Variants in ATAD2 observed in about 807,000 individuals in gnomAD.
The protein encoded by ATAD2 is ATPase family AAA domain containing 2.
Under a neutral mutation model 168.9 loss-of-function variants are expected in ATAD2, and 62 were observed. The ratio of observed to expected loss-of-function variants is 0.37; its 90% CI spans 0.30 to 0.45. ATAD2 has a LOEUF of 0.45. Among genes scored for constraint, ATAD2 ranks in the 20% least tolerant of loss-of-function variants. The pLI is 1.00. For missense variants in ATAD2, 1,419 were observed against 1,667.8 expected (o/e 0.85, Z 2.60); for synonymous variants, 613 against 571.6 (o/e 1.07, Z -1.03).
At chr8:123,339,562 T>TATG (rs1367918189) in intron 19 of ATAD2, 116 bp from the exon 20 acceptor site, 1 of 936,060 alleles carries the variant, frequency 1.1e-6, no homozygotes, top group African/African-American at 1.7e-5. Flanking sequence ...ATGTATTCAG[T>TATG]ATGTCCCTCC....
chr8:123,399,239 C>T (rs1315603328), upstream of ATAD2, among the ~76,000 whole-genome samples: 3 of 149,088 alleles, frequency 2.0e-5, no homozygotes, highest in Non-Finnish European at 3.0e-5. Context: ...TCCAACCTGG[C>T]GACACAGCAA....
rs1827433495 is a variant in ATAD2, at chr8:123,320,368, T to TAGACTATAACCTAAACAGTTTTAGAA, written c.*740_*765dup. Reference sequence around the variant, plus strand: ...TAAAATTGTATATAAAAAGTATCAATAGACTATAACCTAAACAGTTTTAGA... The same window carrying TAGACTATAACCTAAACAGTTTTAGAA: ...TAAAATTGTATATAAAAAGTATCAATAGACTATAACCTAAACAGTTTTAGAAAGACTATAACCTAAACAGTTTTAGA... On this transcript the variant is annotated 3_prime_UTR_variant, in exon 28 of 28. Transcript: ENST00000287394. 1.3e-5 allele frequency: 2 copies of TAGACTATAACCTAAACAGTTTTAGAA among 151,872 alleles called. No homozygotes were observed. Among genetic ancestry groups the TAGACTATAACCTAAACAGTTTTAGAA allele is most frequent in the Non-Finnish European group, 2.9e-5 (2 of 67,954 alleles). 9.4% of individuals were successfully genotyped at this position (151,872 alleles called of 1,614,324 possible). A position where few individuals can be genotyped will look rare whatever the true frequency, so the allele number is the denominator to read the frequency against.
In ATAD2 at chr8:123,323,080, T is replaced by C. The variant is rs1827517829; in HGVS notation, c.4003-14A>G. ...CTTCAAAAGATTCTAAAAGAAAATATGAGTGTCAATATGTGTGAGAGAGAA... is the reference window on the plus strand; with the variant it reads ...CTTCAAAAGATTCTAAAAGAAAATACGAGTGTCAATATGTGTGAGAGAGAA... On this transcript the variant is annotated splice_polypyrimidine_tract_variant and intron_variant, in intron 26 of 27. Coordinates refer to ENST00000287394, the MANE Select transcript of ATAD2 (RefSeq NM_014109.4). The C allele has an allele frequency of 1.9e-6, 3 of 1,604,662 alleles. No individual in the cohort carries two copies. The highest frequency in any genetic ancestry group is 2.6e-6 in the Non-Finnish European group (3 of 1,174,558).
chr8:123,392,922 C>A (rs1242763921), intron 1 of ATAD2, among the ~76,000 whole-genome samples: 1 of 152,126 alleles, frequency 6.6e-6, no homozygotes, highest in Non-Finnish European at 1.5e-5. Flanking sequence ...CGGTGGCTCA[C>A]GCCTCTAATC....
intron 1 of ATAD2, among the ~76,000 whole-genome samples, chr8:123,393,700 T>C (rs1422272736): frequency 6.6e-6 from 1 of 152,106 alleles, no homozygotes; most frequent in Admixed American, 6.6e-5. Context: ...GCCGATCACC[T>C]GAGACCGGGA....
At chr8:123,370,120 A>C (rs950866320) in intron 6 of ATAD2, 96 bp from the exon 7 acceptor site, 36 of 1,154,214 alleles carry the variant, frequency 3.1e-5, no homozygotes, top group Non-Finnish European at 3.7e-6. Context: ...CCACCCTTTT[A>C]AAACTTATCT....
intron 3 of ATAD2, 97 bp from the exon 4 acceptor site, chr8:123,371,932 T>C (rs1412085371): frequency 2.5e-6 from 3 of 1,199,236 alleles, no homozygotes; most frequent in East Asian, 2.7e-5. Flanking sequence ...TATACTTTCA[T>C]GTAACAAAAT....
rs16918564 is a variant in ATAD2, at chr8:123,402,052, G to A, written c.-2281-877C>T. 6,886 of 1,506,208 alleles carry A rather than the reference G, an allele frequency of 4.6e-3. 294 individuals carry two copies. The African/African-American group carries it at 0.083, about 18-fold the overall frequency. 93.3% of individuals were successfully genotyped at this position (1,506,208 alleles called of 1,614,324 possible). The stretch of plus-strand genomic sequence containing the variant: ...TCAAGTTTGAGAAGCGTACCATGTC[G>A]GCCCAGATTGAGGGTGGCGTCCATG... On this transcript the variant is annotated intron_variant, in intron 1 of 28. Transcript: ENST00000521903. This position sits in a 1 kb window ranked among gnomAD's most constrained non-coding sequence, Gnocchi z 4.8.
At chr8:123,372,343 C>A (rs988569955) in intron 3 of ATAD2, among the ~76,000 whole-genome samples, 1 of 152,104 alleles carries the variant, frequency 6.6e-6, no homozygotes, top group Non-Finnish European at 1.5e-5. Flanking sequence ...ATGGTCACGG[C>A]TATGTTCCAA....
intron 18 of ATAD2, 90 bp downstream of exon 18, chr8:123,345,996 A>T: frequency 9.4e-7 from 1 of 1,063,550 alleles, no homozygotes; most frequent in South Asian, 2.2e-5. Context: ...AATCAGAAAG[A>T]CAAAAAAACA....
chr8:123,402,896 T>C lies in ATAD2; in HGVS notation c.-2281-1721A>G, dbSNP rs924542889. Among the ~76,000 whole-genome samples the C allele has an allele frequency of 6.6e-6, 1 of 152,152 alleles. No individual in the cohort carries two copies. The highest frequency in any genetic ancestry group is 2.4e-5 in the African/African-American group (1 of 41,434). On this transcript the variant is annotated intron_variant, in intron 1 of 28. Transcript: ENST00000521903. The surrounding 1 kb of genome is among the most constrained non-coding windows in gnomAD (Gnocchi z 4.8). Reference sequence around the variant, plus strand: ...GGTGCCTCCTCTAAAGATCCTGATTTCATGCGTCTGAGATAAGGCCTGGAA... The same window carrying C: ...GGTGCCTCCTCTAAAGATCCTGATTCCATGCGTCTGAGATAAGGCCTGGAA...
rs1828234738 is a variant in ATAD2, at chr8:123,346,152, T to C, written c.2466A>G (p.Val822=). The C allele has an allele frequency of 1.2e-6, 2 of 1,612,648 alleles. No individual in the cohort carries two copies. Among genetic ancestry groups the C allele is most frequent in the East Asian group, 4.5e-5 (2 of 44,764 alleles). The stretch of plus-strand genomic sequence containing the variant: ...AAAGAACAGGAATGTCTAATGTATA[T>C]ACAGTAAACTTTTCCAAAGCATGAA... ...AVIHALEKFT[V]YTLDIPVLFG... Residue 822 remains valine, a synonymous_variant, in exon 18 of 28, where the codon GTA becomes GTG. Coordinates refer to ENST00000287394, the MANE Select transcript of ATAD2 (RefSeq NM_014109.4).
intron 8 of ATAD2, 62 bp downstream of exon 8, chr8:123,368,996 G>C (rs1829058153): frequency 4.1e-6 from 4 of 966,248 alleles, no homozygotes; most frequent in Admixed American, 2.1e-5. Context: ...AAAGTCTAGA[G>C]TCCAGCCCTA....
intron 1 of ATAD2, among the ~76,000 whole-genome samples, chr8:123,392,764 G>A (rs1050046059): frequency 6.6e-6 from 1 of 152,108 alleles, no homozygotes; most frequent in African/African-American, 2.4e-5. Flanking sequence ...TTTGTAAAGG[G>A]GTAGAAAAAG....
chr8:123,369,194 T>C lies in ATAD2; in HGVS notation c.932-19A>G, dbSNP rs1338744029. 4 of 991,014 alleles carry C rather than the reference T, an allele frequency of 4.0e-6. No individual in the cohort carries two copies. Among genetic ancestry groups the C allele is most frequent in the Non-Finnish European group, 5.4e-6 (4 of 739,938 alleles). 61.4% of individuals were successfully genotyped at this position (991,014 alleles called of 1,614,324 possible). A position where few individuals can be genotyped will look rare whatever the true frequency, so the allele number is the denominator to read the frequency against. Reference sequence around the variant, plus strand: ...CGAGGTTCTAAAAAAAAGAAATATATATATATATTTGTATATATATATATA... The same window carrying C: ...CGAGGTTCTAAAAAAAAGAAATATACATATATATTTGTATATATATATATA... On this transcript the variant is annotated intron_variant, in intron 7 of 27. Coordinates refer to ENST00000287394, the MANE Select transcript of ATAD2 (RefSeq NM_014109.4).
chr8:123,389,985 T>TATATATATATATATATATATATATATATA (rs1554647643), intron 1 of ATAD2, among the ~76,000 whole-genome samples: 2 of 70,820 alleles, frequency 2.8e-5, no homozygotes, highest in Non-Finnish European at 5.5e-5. Context: ...TATATATATA[T>TATATATATATATATATATATATATATATA]TTTTTTTTTT....
chr8:123,380,735 T>C, intron 1 of ATAD2, 58 bp from the exon 2 acceptor site: 2 of 1,545,840 alleles, frequency 1.3e-6, no homozygotes, highest in South Asian at 1.2e-5. Flanking sequence ...CCAATTTAAA[T>C]TCCTCCAAAG....
rs889787481 is a variant in ATAD2, at chr8:123,372,496, C to A, written c.370+141G>T. ...CTTCACTATCTTATTGTGGTGATGG[C>A]TTCATGGCATATACTTACGTTAAAA... On this transcript the variant is annotated intron_variant, in intron 3 of 27. Transcript: ENST00000287394. 5.8e-5 allele frequency: 36 copies of A among 622,920 alleles called. No individual in the cohort carries two copies. The Admixed American group carries it at 1.1e-3, about 19-fold the overall frequency. The allele number at this position is 622,920 out of a possible 1,614,324, so 38.6% of individuals were successfully genotyped here.
At chr8:123,358,297 T>C (rs1828709151) in intron 11 of ATAD2, among the ~76,000 whole-genome samples, 1 of 152,094 alleles carries the variant, frequency 6.6e-6, no homozygotes, top group Non-Finnish European at 1.5e-5. Context: ...CTTCCTGTCT[T>C]AGTCTCCCAA....
Sources: gnomAD v4.1 joint callset for allele counts (sites outside exome capture counted in the v4.1 genomes callset) on GRCh38, gnomAD v4.1.1 for gene constraint, Gnocchi (gnomAD v3.1) non-coding constraint, MANE v1.5 for transcripts, NCBI Gene and HGNC (gene_info 2026-07-23, HGNC 2026-07-21) for gene names.